The following ZFP1 variants were observed in gnomAD, a reference collection of about 807,000 sequenced individuals.
The protein encoded by ZFP1 is ZFP1 zinc finger protein, also known as zinc finger protein 1 homolog.
A neutral mutation model predicts 38.5 loss-of-function variants in ZFP1; 32 were observed. The observed-to-expected ratio is 0.83, with a 90% CI of 0.63 to 1.12. The LOEUF is 1.12. Among genes scored for constraint, ZFP1 ranks in the 50% most tolerant of loss-of-function variants. ZFP1 has a pLI of 0.00. For missense variants in ZFP1, 616 were observed against 480.8 expected (o/e 1.28, Z -2.63); for synonymous variants, 245 against 168.8 (o/e 1.45, Z -3.50).
intron 2 of ZFP1, among the ~76,000 whole-genome samples, 197 bp downstream of exon 2, chr16:75,153,163 T>C (rs2037293065): frequency 6.6e-6 from 1 of 152,246 alleles, no homozygotes. Context: ...ATTATTTGGT[T>C]CTGTACATTA....
intron 2 of ZFP1, among the ~76,000 whole-genome samples, chr16:75,166,394 C>T (rs141919149): frequency 5.3e-5 from 8 of 152,160 alleles, no homozygotes; most frequent in African/African-American, 1.2e-4. Context: ...CCACCATGCC[C>T]GACTAAATTT....
At chr16:75,151,709 A>G (rs2037211823) in intron 1 of ZFP1, among the ~76,000 whole-genome samples, 1 of 152,190 alleles carries the variant, frequency 6.6e-6, no homozygotes, top group Non-Finnish European at 1.5e-5. Flanking sequence ...TGCTTTAGAT[A>G]ATCTTTCACA....
chr16:75,124,103 A>C, the ZFP1 span, among the ~76,000 whole-genome samples: 77,581 of 151,278 alleles, frequency 0.51, 20,839 homozygotes, highest in East Asian at 0.68. Flanking sequence ...CAAAAAAAGT[A>C]AAATACAAAT....
rs2145597475 is a variant in ZFP1 at position 75,171,812 on chromosome 16, C to T, written c.*1478C>T. ...AGCTTTTGTCTAAGTTGTCATCTTA[C>T]TTACTCACAAAGGAGGGGAAAACGT... On this transcript the variant is annotated 3_prime_UTR_variant, in exon 4 of 4. Transcript: ENST00000570010. The T allele has an allele frequency of 6.6e-6, 1 of 152,258 alleles. No individual in the cohort carries two copies. The highest frequency in any genetic ancestry group is 2.4e-5 in the African/African-American group (1 of 41,550). The allele number at this position is 152,258 out of a possible 1,614,324, so 9.4% of individuals were successfully genotyped here. A position where few individuals can be genotyped will look rare whatever the true frequency, so the allele number is the denominator to read the frequency against.
the ZFP1 span, among the ~76,000 whole-genome samples, chr16:75,124,028 A>G: frequency 6.6e-6 from 1 of 151,748 alleles, no homozygotes; most frequent in Non-Finnish European, 1.5e-5. Flanking sequence ...CAGGAAGCAG[A>G]GGTTGCAGTA....
Position 75,169,517 on chromosome 16 carries a change from A to G in ZFP1, c.407A>G (p.Glu136Gly). Reference protein sequence around the residue: ...YAGKQTDECNEFGKALLYLKQ... With the variant: ...YAGKQTDECNGFGKALLYLKQ... ...GGAAAGCAGACTGATGAGTGTAATG[A>G]ATTTGGAAAAGCACTTCTCTACCTG... Residue 136 changes from glutamate (E) to glycine (G), a missense_variant, in exon 4 of 4, where the codon GAA becomes GGA. By Grantham distance (98) the Glu-to-Gly change is moderately conservative (BLOSUM62 -2). Transcript: ENST00000570010. The G allele has an allele frequency of 1.2e-6, 2 of 1,613,218 alleles. No homozygotes were observed. Among genetic ancestry groups the G allele is most frequent in the Non-Finnish European group, 1.7e-6 (2 of 1,179,854 alleles).
At chr16:75,144,731 T>C (rs1455122566), upstream of ZFP1, among the ~76,000 whole-genome samples, 1 of 152,234 alleles carries the variant, frequency 6.6e-6, no homozygotes, top group Non-Finnish European at 1.5e-5. Flanking sequence ...CTGGTAACTC[T>C]GTTTTACTTT....
intron 2 of ZFP1, among the ~76,000 whole-genome samples, chr16:75,153,494 G>A (rs1365606569): frequency 1.3e-5 from 2 of 152,162 alleles, no homozygotes; most frequent in African/African-American, 4.8e-5. Context: ...ACGTAAGATA[G>A]CATGTTAATC....
the ZFP1 span, among the ~76,000 whole-genome samples, chr16:75,135,070 A>C: frequency 6.6e-6 from 1 of 151,566 alleles, no homozygotes; most frequent in African/African-American, 2.4e-5. Flanking sequence ...AAAAACAAAA[A>C]AAACTAGCTG....
At chr16:75,141,743 A>T in the ZFP1 span, among the ~76,000 whole-genome samples, 95 of 64,188 alleles carry the variant, frequency 1.5e-3, no homozygotes, top group African/African-American at 4.9e-3. Context: ...AAATTAATTT[A>T]AAAAAAAAAA....
upstream of ZFP1, among the ~76,000 whole-genome samples, chr16:75,143,919 G>A (rs1454194532): frequency 6.6e-6 from 1 of 152,122 alleles, no homozygotes; most frequent in African/African-American, 2.4e-5. Context: ...CTCCCAAAGT[G>A]CTGGGATTAC....
At position 75,160,422 on chromosome 16, in the gene ZFP1, C is replaced by T. The variant is rs1043753251; in HGVS notation, c.16-6348C>T. 4.0e-5 allele frequency among the ~76,000 whole-genome samples: 6 copies of T among 151,782 alleles called. 1 individual carries two copies. On this transcript the variant is annotated intron_variant, in intron 2 of 3. Coordinates refer to ENST00000570010, the MANE Select transcript of ZFP1 (RefSeq NM_153688.4). ...GTACTAAACCCCATCTGTACTAAAC[C>T]CCATCTATACTAAAAATACAAAATT...
At chr16:75,147,110 G>A (rs1043841797), upstream of ZFP1, among the ~76,000 whole-genome samples, 2 of 152,128 alleles carry the variant, frequency 1.3e-5, no homozygotes, top group Non-Finnish European at 2.9e-5. Flanking sequence ...AAATATCAGA[G>A]ATTTCCAGGG....
chr16:75,119,042 C>T, the ZFP1 span, among the ~76,000 whole-genome samples: 5 of 152,198 alleles, frequency 3.3e-5, no homozygotes, highest in African/African-American at 9.7e-5. Context: ...TGTTGAGTGA[C>T]GTCTCAAGTC....
In ZFP1 at chr16:75,154,985, G is replaced by C. The variant is rs186258716; in HGVS notation, c.15+2019G>C. On this transcript the variant is annotated intron_variant, in intron 2 of 3. Coordinates refer to ENST00000570010, the MANE Select transcript of ZFP1 (RefSeq NM_153688.4). ...AGCTAATTTTTGTATTTTTAGTAGA[G>C]ATGGGGTTTCACCATGTTGGTCAGG... Among the ~76,000 whole-genome samples, 134 of 152,140 alleles carry C rather than the reference G, an allele frequency of 8.8e-4. 1 individual carries two copies. Among genetic ancestry groups the C allele is most frequent in the South Asian group, 4.6e-3 (22 of 4,824 alleles).
intron 1 of ZFP1, chr16:75,149,380 C>T (rs906238293): frequency 6.6e-6 from 1 of 152,080 alleles, no homozygotes; most frequent in African/African-American, 2.4e-5. Context: ...CTGTTCTTTC[C>T]GTTTGGGGCA....
chr16:75,153,393 C>A (rs1389964187), intron 2 of ZFP1, among the ~76,000 whole-genome samples: 1 of 152,150 alleles, frequency 6.6e-6, no homozygotes, highest in Non-Finnish European at 1.5e-5. Flanking sequence ...TAAATCCCTC[C>A]ACCCCAAGCA....
chr16:75,135,209 C>CAAAAAAAAAAAAAAAAAAAAAAAA, the ZFP1 span, among the ~76,000 whole-genome samples: 7 of 14,960 alleles, frequency 4.7e-4, 3 homozygotes, highest in African/African-American at 1.2e-3. Flanking sequence ...GACCTTATCT[C>CAAAAAAAAAAAAAAAAAAAAAAAA]AAAAAAAAAA....
chr16:75,170,169 A>T lies in ZFP1; in HGVS notation c.1059A>T (p.Glu353Asp), dbSNP rs1224803713. ...MRTHTGEKPY[E>D]CTECGKTFSQ... ...CTCATACAGGAGAGAAACCCTATGA[A>T]TGTACTGAGTGCGGCAAAACTTTCA... is the stretch of plus-strand genomic sequence containing the variant. The change falls in exon 4 of 4, where the codon GAA becomes GAT. Residue 353 changes from glutamate (E) to aspartate (D), a missense_variant. Physicochemically the swap from Glu to Asp is conservative, Grantham distance 45. Transcript: ENST00000570010. The T allele has an allele frequency of 2.5e-6, 4 of 1,614,066 alleles. No homozygotes were observed. In the East Asian group the frequency reaches 8.9e-5, roughly 36 times the overall value.
Sources: allele counts gnomAD v4.1 joint callset (sites outside exome capture counted in the v4.1 genomes callset), GRCh38; gene constraint gnomAD v4.1.1; transcripts MANE v1.5; gene names NCBI Gene and HGNC (gene_info 2026-07-23, HGNC 2026-07-21).